Variants in RORA observed in about 807,000 individuals in gnomAD.
The protein encoded by RORA is RAR related orphan receptor A, also known as nuclear receptor ROR-alpha.
RORA carries 7 observed loss-of-function variants against 69.5 expected under a neutral mutation model. The observed-to-expected ratio is 0.10, with a 90% CI of 0.06 to 0.19. The LOEUF (loss-of-function observed/expected upper bound fraction) is 0.19. Ranked by LOEUF, RORA falls within the 10% of genes least tolerant of loss-of-function variation. The pLI, the probability that RORA is intolerant of heterozygous loss-of-function variation, is 1.00. For synonymous variants in RORA, 261 were observed against 240.8 expected (o/e 1.08, Z -0.78); for missense variants, 457 against 663.0 (o/e 0.69, Z 3.41).
intron 1 of RORA, among the ~76,000 whole-genome samples, chr15:60,982,661 T>C (rs1297166972): frequency 6.6e-6 from 1 of 152,236 alleles, no homozygotes; most frequent in Non-Finnish European, 1.5e-5. Flanking sequence ...TCAAGGCTGC[T>C]GCTGAGCTGG....
intron 1 of RORA, among the ~76,000 whole-genome samples, chr15:61,172,713 T>A (rs980770824): frequency 6.6e-6 from 1 of 152,220 alleles, no homozygotes; most frequent in Admixed American, 6.5e-5. Context: ...ATACTCTCCT[T>A]TGATTCTTCT....
At chr15:61,172,688 G>A (rs377127535) in intron 1 of RORA, among the ~76,000 whole-genome samples, 6 of 152,236 alleles carry the variant, frequency 3.9e-5, no homozygotes, top group African/African-American at 1.2e-4. Context: ...TGGGAAAATC[G>A]CCCAAAGTAA....
chr15:60,714,250 G>C (rs949713547), intron 1 of RORA, among the ~76,000 whole-genome samples: 1 of 151,770 alleles, frequency 6.6e-6, no homozygotes. Context: ...GTAGAGATGG[G>C]GTTTCGCCAC....
intron 1 of RORA, among the ~76,000 whole-genome samples, chr15:61,108,936 C>T (rs1389812902): frequency 6.6e-6 from 1 of 152,162 alleles, no homozygotes; most frequent in Non-Finnish European, 1.5e-5. Context: ...CCGTGGCTCA[C>T]ACCTGTAATC....
Position 60,611,559 on chromosome 15 carries a change from CAAAA to C in RORA, c.196+67094_196+67097del, listed in dbSNP as rs533598270. 8.2e-3 allele frequency among the ~76,000 whole-genome samples: 292 copies of C among 35,762 alleles called. 2 individuals are homozygous for C. Among genetic ancestry groups the C allele is most frequent in the African/African-American group, 0.02 (176 of 8,738 alleles). 23.5% of individuals were successfully genotyped at this position (35,762 alleles called of 152,430 possible). A position where few individuals can be genotyped will look rare whatever the true frequency, so the allele number is the denominator to read the frequency against. Reference sequence around the variant, plus strand: ...TTACCTCAAACAATCTTGAGTTTTGCAAAAAAAAAAAAAAAAAAAAAAAAAAAAA... The same window carrying C: ...TTACCTCAAACAATCTTGAGTTTTGCAAAAAAAAAAAAAAAAAAAAAAAAA... On this transcript the variant is annotated intron_variant, in intron 2 of 10. Transcript: ENST00000335670.
At chr15:60,817,481 T>TA (rs2072834079) in intron 1 of RORA, among the ~76,000 whole-genome samples, 1 of 152,232 alleles carries the variant, frequency 6.6e-6, no homozygotes, top group South Asian at 2.1e-4. Flanking sequence ...TAAGATGATG[T>TA]ATGTCTGTAT....
rs932690600 is a variant in RORA, at chr15:61,003,366, T to G, written c.166+225687A>C. 2.0e-5 allele frequency among the ~76,000 whole-genome samples: 3 copies of G among 152,272 alleles called. No homozygotes were observed. In the South Asian group the frequency reaches 6.2e-4, roughly 32 times the overall value. ...TGATTTGAAATCTGGGGATTCCAAA[T>G]TCACACACACATATACACACACACA... On this transcript the variant is annotated intron_variant, in intron 1 of 10. Coordinates refer to ENST00000335670, the MANE Select transcript of RORA (RefSeq NM_134261.3).
intron 1 of RORA, among the ~76,000 whole-genome samples, chr15:60,706,915 T>A (rs1240110553): frequency 3.9e-5 from 6 of 152,228 alleles, no homozygotes; most frequent in Non-Finnish European, 8.8e-5. Context: ...GCCTCTGATG[T>A]GAACTACATT....
intron 1 of RORA, among the ~76,000 whole-genome samples, chr15:61,215,473 C>A (rs1044981105): frequency 2.0e-5 from 3 of 152,184 alleles, no homozygotes; most frequent in African/African-American, 7.2e-5. Context: ...TTGAAACAAA[C>A]GTAGAAAGCC....
At chr15:61,122,223 T>C (rs1295519836) in intron 1 of RORA, among the ~76,000 whole-genome samples, 1 of 152,178 alleles carries the variant, frequency 6.6e-6, no homozygotes, top group Admixed American at 6.5e-5. Context: ...TATTCCACAT[T>C]ATTTCTTCAC....
chr15:61,001,884 G>T (rs908132143), intron 1 of RORA, among the ~76,000 whole-genome samples: 7 of 152,196 alleles, frequency 4.6e-5, no homozygotes, highest in African/African-American at 7.2e-5. Context: ...GACAAGAAAG[G>T]CACAGTCATA....
intron 1 of RORA, among the ~76,000 whole-genome samples, chr15:61,001,633 T>C (rs530040433): frequency 2.0e-5 from 3 of 152,222 alleles, no homozygotes; most frequent in East Asian, 1.9e-4. Flanking sequence ...GGCTCTGTCC[T>C]AGACACTAGG....
At chr15:60,566,902 G>A (rs1595986049) in intron 2 of RORA, among the ~76,000 whole-genome samples, 1 of 152,102 alleles carries the variant, frequency 6.6e-6, no homozygotes, top group South Asian at 2.1e-4. Context: ...AGGTTGGCGG[G>A]ACCTAATCCT....
chr15:60,549,208 A>C (rs1386073368), intron 2 of RORA, among the ~76,000 whole-genome samples: 1 of 152,226 alleles, frequency 6.6e-6, no homozygotes, highest in Non-Finnish European at 1.5e-5. Context: ...TAACGTTAAA[A>C]AATAACCCCA....
At chr15:60,951,819 G>C (rs1893107054) in intron 1 of RORA, among the ~76,000 whole-genome samples, 1 of 152,064 alleles carries the variant, frequency 6.6e-6, no homozygotes, top group South Asian at 2.1e-4. Context: ...ACCAAAAAGA[G>C]TCCAGGACCA....
chr15:60,714,523 C>T (rs763211429), intron 1 of RORA, among the ~76,000 whole-genome samples: 6 of 151,652 alleles, frequency 4.0e-5, no homozygotes, highest in Non-Finnish European at 8.8e-5. Context: ...TGCCAACACA[C>T]GTAGCTAATT....
At chr15:60,591,302 G>A (rs1326089738) in intron 2 of RORA, among the ~76,000 whole-genome samples, 1 of 152,168 alleles carries the variant, frequency 6.6e-6, no homozygotes, top group Non-Finnish European at 1.5e-5. Context: ...GCGGGCGGCG[G>A]GCGGCGGGCG....
intron 1 of RORA, among the ~76,000 whole-genome samples, chr15:60,813,701 T>C (rs1327612338): frequency 6.6e-6 from 1 of 152,250 alleles, no homozygotes; most frequent in Non-Finnish European, 1.5e-5. Context: ...ATCTTTATTA[T>C]AATTACCTAT....
intron 2 of RORA, among the ~76,000 whole-genome samples, chr15:60,584,919 TAGAA>T (rs1242333568): frequency 6.6e-6 from 1 of 152,238 alleles, no homozygotes; most frequent in African/African-American, 2.4e-5. Flanking sequence ...ATTTCTATGA[TAGAA>T]AGGTTTAAAC....
Sources: gnomAD v4.1 joint callset for allele counts (sites outside exome capture counted in the v4.1 genomes callset) on GRCh38, gnomAD v4.1.1 for gene constraint, MANE v1.5 for transcripts, NCBI Gene and HGNC (gene_info 2026-07-23, HGNC 2026-07-21) for gene names.